Variants in STAG1 observed in about 807,000 individuals in gnomAD.
STAG1 encodes the protein cohesin subunit SA-1.
A neutral mutation model predicts 170.9 loss-of-function variants in STAG1; 26 were observed. The observed-to-expected ratio is 0.15, with a 90% CI of 0.11 to 0.21. STAG1 has a LOEUF of 0.21. Ranked by LOEUF, STAG1 falls within the 10% of genes least tolerant of loss-of-function variation. The pLI is 1.00. For missense variants in STAG1, 964 were observed against 1,509.5 expected, an observed-to-expected ratio of 0.64 and a Z score of 5.99; for synonymous variants, 514 against 497.7, an observed-to-expected ratio of 1.03 and a Z score of -0.44.
chr3:136,534,919 T>C (rs1250898412), intron 6 of STAG1, among the ~76,000 whole-genome samples: 1 of 152,082 alleles, frequency 6.6e-6, no homozygotes, highest in Non-Finnish European at 1.5e-5. Flanking sequence ...GGAAAAGAAA[T>C]CAGTATATCA....
At chr3:136,506,496 A>AT (rs1933771694) in intron 7 of STAG1, among the ~76,000 whole-genome samples, 1 of 149,124 alleles carries the variant, frequency 6.7e-6, no homozygotes, top group Non-Finnish European at 1.5e-5. Flanking sequence ...AAAAAAAAAA[A>AT]TTTCCCAGAT....
chr3:136,548,273 CG>C (rs1936244920), intron 5 of STAG1, among the ~76,000 whole-genome samples: 1 of 151,876 alleles, frequency 6.6e-6, no homozygotes, highest in African/African-American at 2.4e-5. Context: ...CCACCATGCC[CG>C]GGCTAATTTT....
chr3:136,436,717 T>G (rs770622256), intron 15 of STAG1, among the ~76,000 whole-genome samples: 23 of 152,336 alleles, frequency 1.5e-4, no homozygotes, highest in Non-Finnish European at 2.8e-4. Context: ...ATTCAATTAA[T>G]TTACAAAGGT....
intron 1 of STAG1, among the ~76,000 whole-genome samples, chr3:136,748,304 G>A (rs7652657): frequency 0.069 from 10,563 of 152,034 alleles, 1,158 homozygotes; most frequent in African/African-American, 0.23. Flanking sequence ...GGGAGGCTGA[G>A]GCACGCGAAT....
intron 5 of STAG1, among the ~76,000 whole-genome samples, chr3:136,551,875 G>C (rs775080933): frequency 2.0e-5 from 3 of 152,008 alleles, no homozygotes; most frequent in Non-Finnish European, 4.4e-5. Context: ...GATTACAGAC[G>C]TGAGCCACTG....
intron 12 of STAG1, among the ~76,000 whole-genome samples, 186 bp downstream of exon 12, chr3:136,472,227 G>C (rs1359370517): frequency 6.6e-6 from 1 of 151,980 alleles, no homozygotes; most frequent in Non-Finnish European, 1.5e-5. Context: ...GTAAACAATA[G>C]TGAAAATAAA....
intron 1 of STAG1, among the ~76,000 whole-genome samples, chr3:136,642,518 G>A (rs781688696): frequency 2.9e-4 from 44 of 151,824 alleles, no homozygotes; most frequent in Non-Finnish European, 4.7e-4. Context: ...CACCCGCCTC[G>A]GCCTCCCAAC....
intron 6 of STAG1, among the ~76,000 whole-genome samples, chr3:136,523,067 CCTTTGGATAGATA>C: frequency 6.6e-6 from 1 of 152,178 alleles, no homozygotes; most frequent in East Asian, 1.9e-4. Context: ...GATTTATAAT[CCTTTGGATAGATA>C]CCCAGTAAGG....
chr3:136,409,023 T>C (rs978263275), intron 21 of STAG1, among the ~76,000 whole-genome samples: 3 of 152,112 alleles, frequency 2.0e-5, no homozygotes, highest in Non-Finnish European at 4.4e-5. Flanking sequence ...CCCAGCACTT[T>C]GGGAGGCCGA....
At chr3:136,580,735 T>G (rs937460887) in intron 4 of STAG1, among the ~76,000 whole-genome samples, 1 of 150,442 alleles carries the variant, frequency 6.6e-6, no homozygotes. Flanking sequence ...GGGTTTCACC[T>G]TGTTAGCCAG....
chr3:136,357,645 T>G (rs1936708134), intron 28 of STAG1, 75 bp downstream of exon 28: 1 of 1,176,030 alleles, frequency 8.5e-7, no homozygotes, highest in Non-Finnish European at 1.2e-6. Context: ...TCCAAATGAT[T>G]AAAAATTTTT....
At position 136,417,869 on chromosome 3, in the gene STAG1, A is replaced by T; in HGVS notation, c.2196+16T>A. 1.9e-6 allele frequency: 3 copies of T among 1,595,148 alleles called. No individual in the cohort carries two copies. Among genetic ancestry groups the T allele is most frequent in the Non-Finnish European group, 2.6e-6 (3 of 1,162,670 alleles). On this transcript the variant is annotated intron_variant, in intron 21 of 33. Transcript: ENST00000383202. Reference sequence around the variant, plus strand: ...CTTTCTAGAGTCATACAGAAGGAATACCAATAAACTCCTACCTGTTCTGGC... The same window carrying T: ...CTTTCTAGAGTCATACAGAAGGAATTCCAATAAACTCCTACCTGTTCTGGC...
intron 28 of STAG1, among the ~76,000 whole-genome samples, chr3:136,355,351 TAAAAAAA>T (rs370605205): frequency 1.3e-4 from 4 of 29,992 alleles, no homozygotes; most frequent in Non-Finnish European, 1.7e-4. Flanking sequence ...GACTCCATCT[TAAAAAAA>T]AAAAAAAAAA....
intron 9 of STAG1, among the ~76,000 whole-genome samples, chr3:136,487,056 G>A (rs541483877): frequency 1.5e-5 from 2 of 137,836 alleles, no homozygotes; most frequent in Non-Finnish European, 3.0e-5. Flanking sequence ...GAACGTGCAG[G>A]TTTGTTATAC....
chr3:136,418,409 T>C (rs1428467628), intron 20 of STAG1, among the ~76,000 whole-genome samples: 12 of 138,832 alleles, frequency 8.6e-5, no homozygotes, highest in Non-Finnish European at 1.8e-4. Flanking sequence ...AAGGTTTTTT[T>C]CATTTCCTTG....
chr3:136,641,511 C>A (rs186396609), intron 1 of STAG1, among the ~76,000 whole-genome samples: 1 of 152,310 alleles, frequency 6.6e-6, no homozygotes, highest in East Asian at 1.9e-4. Context: ...AACTATATTT[C>A]TTTAGCATTC....
chr3:136,523,119 T>C (rs905848602), intron 6 of STAG1, among the ~76,000 whole-genome samples: 6 of 152,196 alleles, frequency 3.9e-5, no homozygotes, highest in Admixed American at 3.9e-4. Context: ...ATATTTCTAG[T>C]TCTAGATCCT....
intron 10 of STAG1, 104 bp from the exon 11 acceptor site, chr3:136,473,741 C>T (rs1290496604): frequency 2.6e-6 from 2 of 770,208 alleles, no homozygotes; most frequent in African/African-American, 1.7e-5. Flanking sequence ...TGACTTACTG[C>T]ATATTGTAAT....
At chr3:136,345,455 G>GTTTTTT (rs34593330) in intron 29 of STAG1, among the ~76,000 whole-genome samples, 23 of 99,260 alleles carry the variant, frequency 2.3e-4, no homozygotes, top group Non-Finnish European at 2.6e-4. Context: ...TTACCTAGTT[G>GTTTTTT]TTTTTTTTTT....
Sources: allele counts gnomAD v4.1 joint callset (sites outside exome capture counted in the v4.1 genomes callset), GRCh38; gene constraint gnomAD v4.1.1; transcripts MANE v1.5; gene names NCBI Gene and HGNC (gene_info 2026-07-23, HGNC 2026-07-21).